LUC7L2: variants seen among roughly 807,000 people sequenced by gnomAD.
The protein encoded by LUC7L2 is LUC7 like 2, pre-mRNA splicing factor.
LUC7L2 carries 25 observed loss-of-function variants against 52.8 expected under a neutral mutation model. The ratio of observed to expected loss-of-function variants is 0.47; its 90% CI spans 0.34 to 0.66. LUC7L2 has a LOEUF of 0.66. LUC7L2 is among the 30% of genes least tolerant of loss of function. The pLI, the probability that LUC7L2 is intolerant of heterozygous loss-of-function variation, is 0.01. For missense variants in LUC7L2, 328 were observed against 497.8 expected, an observed-to-expected ratio of 0.66 and a Z score of 3.25; for synonymous variants, 144 against 160.9, an observed-to-expected ratio of 0.89 and a Z score of 0.80.
chr7:139,345,414 C>T, intron 1 of LUC7L2: 1 of 1,544,818 alleles, frequency 6.5e-7, no homozygotes, highest in Admixed American at 2.0e-5. Flanking sequence ...TTTACTTTCA[C>T]TCTAGTGAAT....
intron 1 of LUC7L2, among the ~76,000 whole-genome samples, chr7:139,353,470 A>G (rs2131160582): frequency 6.6e-6 from 1 of 152,314 alleles, no homozygotes; most frequent in Non-Finnish European, 1.5e-5. Flanking sequence ...AATGGTTATC[A>G]TTGCTAAAAT....
intron 2 of LUC7L2, 101 bp from the exon 3 acceptor site, chr7:139,398,498 T>A: frequency 1.2e-6 from 1 of 847,258 alleles, no homozygotes; most frequent in Non-Finnish European, 1.7e-6. Context: ...TAAAAAAGCA[T>A]CTGTATGACT....
chr7:139,345,925 T>A (rs997378807), intron 1 of LUC7L2: 4 of 424,982 alleles, frequency 9.4e-6, no homozygotes, highest in African/African-American at 4.2e-5. Context: ...AAAATTTTTT[T>A]ATATTTTATT....
intron 9 of LUC7L2, among the ~76,000 whole-genome samples, chr7:139,419,382 T>G (rs1000225053): frequency 6.6e-6 from 1 of 152,152 alleles, no homozygotes; most frequent in African/African-American, 2.4e-5. Flanking sequence ...CCTAGGCAAA[T>G]GCAGAGAATG....
At chr7:139,407,080 G>T in intron 5 of LUC7L2, 94 bp from the exon 6 acceptor site, 72 of 1,036,170 alleles carry the variant, frequency 6.9e-5, no homozygotes, top group Middle Eastern at 4.2e-4. Flanking sequence ...GTATTTTTTA[G>T]AAAACACTTT....
chr7:139,420,311 C>CT lies in LUC7L2; in HGVS notation c.1002-1848dup. Among the ~76,000 whole-genome samples the CT allele has an allele frequency of 2.0e-5, 3 of 152,264 alleles. No homozygotes were observed. In the South Asian group the frequency reaches 6.2e-4, roughly 32 times the overall value. On this transcript the variant is annotated intron_variant, in intron 9 of 9. Transcript: ENST00000354926. ...CTCTGCCTTGCGGGTTCAAGCGATTCTTTTGCCTCGGCCTCCCAAGTAGCT... is the reference window on the plus strand; with the variant it reads ...CTCTGCCTTGCGGGTTCAAGCGATTCTTTTTGCCTCGGCCTCCCAAGTAGCT...
At chr7:139,406,352 CTTTTTTTT>C (rs58282436) in intron 5 of LUC7L2, among the ~76,000 whole-genome samples, 1 of 132,496 alleles carries the variant, frequency 7.5e-6, no homozygotes, top group African/African-American at 2.8e-5. Context: ...GCACCAGGGC[CTTTTTTTT>C]TTTTTTTTTT....
At chr7:139,344,739 G>A (rs1006149805) in intron 1 of LUC7L2, among the ~76,000 whole-genome samples, 14 of 100,612 alleles carry the variant, frequency 1.4e-4, no homozygotes, top group African/African-American at 5.5e-4. Flanking sequence ...GTCTCCTTCT[G>A]TTACCCAGAC....
At chr7:139,343,087 C>G (rs1799081639) in intron 1 of LUC7L2, among the ~76,000 whole-genome samples, 1 of 152,154 alleles carries the variant, frequency 6.6e-6, no homozygotes, top group Non-Finnish European at 1.5e-5. Context: ...TTACTGTTTC[C>G]TGTCTATTGC....
chr7:139,386,728 T>G (rs6972408), intron 2 of LUC7L2, among the ~76,000 whole-genome samples: 58,461 of 151,844 alleles, frequency 0.39, 15,725 homozygotes, highest in African/African-American at 0.77. Context: ...TTTTAACATG[T>G]GATGAGTTCA....
chr7:139,374,686 A>G (rs1800618652), intron 1 of LUC7L2: 1 of 1,305,906 alleles, frequency 7.7e-7, no homozygotes, highest in African/African-American at 1.5e-5. Context: ...TTAACTATAA[A>G]TTACTGTTGT....
At chr7:139,340,762 C>T (rs543345068) in intron 1 of LUC7L2, 2 of 373,902 alleles carry the variant, frequency 5.3e-6, no homozygotes, top group African/African-American at 2.1e-5. Context: ...GTTCGAGTCC[C>T]ATCTGGGGTG....
intron 2 of LUC7L2, among the ~76,000 whole-genome samples, chr7:139,395,043 C>G (rs527290973): frequency 1.3e-5 from 2 of 152,068 alleles, no homozygotes; most frequent in Admixed American, 1.3e-4. Flanking sequence ...AGTTGAGAAC[C>G]ACAGTGGATC....
chr7:139,402,017 C>T (rs1794938173), intron 3 of LUC7L2, 120 bp from the exon 4 acceptor site: 26 of 1,046,824 alleles, frequency 2.5e-5, no homozygotes, highest in South Asian at 3.6e-5. Flanking sequence ...CAATTACTGA[C>T]GTGAGCCACC....
chr7:139,354,641 C>T (rs533019149), intron 1 of LUC7L2, among the ~76,000 whole-genome samples: 2 of 152,266 alleles, frequency 1.3e-5, no homozygotes, highest in South Asian at 4.1e-4. Context: ...GGATTATAGG[C>T]ATGAGCCACT....
chr7:139,413,513 C>T (rs1269842383), intron 8 of LUC7L2, among the ~76,000 whole-genome samples: 6 of 152,224 alleles, frequency 3.9e-5, no homozygotes, highest in Non-Finnish European at 5.9e-5. Context: ...CAGTGCCTCA[C>T]GCTTATACCA....
At chr7:139,400,683 C>G (rs1251912960) in intron 3 of LUC7L2, among the ~76,000 whole-genome samples, 2 of 152,102 alleles carry the variant, frequency 1.3e-5, no homozygotes, top group Non-Finnish European at 2.9e-5. Context: ...AGATATGGAT[C>G]TAGTCTCCCC....
chr7:139,347,311 G>T (rs1799299686), intron 1 of LUC7L2, among the ~76,000 whole-genome samples: 1 of 151,546 alleles, frequency 6.6e-6, no homozygotes, highest in Admixed American at 6.6e-5. Flanking sequence ...GTTCAAGCCG[G>T]GTGTGGTGGC....
Position 139,422,445 on chromosome 7 carries a change from T to G in LUC7L2, c.*105T>G. 6.7e-7 allele frequency: 1 copy of G among 1,485,500 alleles called. No individual in the cohort carries two copies. Among genetic ancestry groups the G allele is most frequent in the Middle Eastern group, 1.9e-4 (1 of 5,206 alleles). 92.0% of individuals were successfully genotyped at this position (1,485,500 alleles called of 1,614,324 possible). A position where few individuals can be genotyped will look rare whatever the true frequency, so the allele number is the denominator to read the frequency against. Reference sequence around the variant, plus strand: ...ACAGTGAGCAGATCCAGACACCAGATCCAGCTAGGCTAGATGTACAGTATC... The same window carrying G: ...ACAGTGAGCAGATCCAGACACCAGAGCCAGCTAGGCTAGATGTACAGTATC... On this transcript the variant is annotated 3_prime_UTR_variant, in exon 10 of 10. Coordinates refer to ENST00000354926, the MANE Select transcript of LUC7L2 (RefSeq NM_016019.5).
Sources: allele counts gnomAD v4.1 joint callset (sites outside exome capture counted in the v4.1 genomes callset), GRCh38; gene constraint gnomAD v4.1.1; transcripts MANE v1.5; gene names NCBI Gene and HGNC (gene_info 2026-07-23, HGNC 2026-07-21).